Variants in GPHN observed in about 807,000 individuals in gnomAD.
GPHN encodes the protein gephyrin.
Under a neutral mutation model 95.5 loss-of-function variants are expected in GPHN, and 17 were observed. That is an observed-to-expected ratio of 0.18 (90% CI 0.12 to 0.27). GPHN has a LOEUF of 0.27. GPHN is among the 10% of genes least tolerant of loss of function. The pLI is 1.00. For synonymous variants in GPHN, 320 were observed against 322.5 expected (o/e 0.99, Z 0.08); for missense variants, 660 against 978.1 (o/e 0.67, Z 4.34).
At chr14:66,637,569 G>A (rs2064168285) in intron 1 of GPHN, among the ~76,000 whole-genome samples, 1 of 152,034 alleles carries the variant, frequency 6.6e-6, no homozygotes, top group South Asian at 2.1e-4. Context: ...AGTTAAATTT[G>A]TTCCTCTGTC....
the GPHN span, among the ~76,000 whole-genome samples, chr14:67,217,491 ACTTCT>A: frequency 6.6e-6 from 1 of 151,944 alleles, no homozygotes; most frequent in Non-Finnish European, 1.5e-5. Flanking sequence ...TTTGCTCCTT[ACTTCT>A]CTTATTGTTT....
chr14:67,250,828 T>A, the GPHN span, among the ~76,000 whole-genome samples: 2 of 152,236 alleles, frequency 1.3e-5, no homozygotes, highest in African/African-American at 4.8e-5. Flanking sequence ...CTTATCCTTT[T>A]ATACTTAAAA....
the GPHN span, chr14:67,570,188 T>A: frequency 6.8e-6 from 2 of 292,714 alleles, no homozygotes. Flanking sequence ...TTATAAAAAT[T>A]CCACATTTAC....
intron 1 of GPHN, among the ~76,000 whole-genome samples, chr14:66,581,228 TAA>T (rs55870261): frequency 1.0e-4 from 14 of 138,980 alleles, no homozygotes; most frequent in African/African-American, 1.0e-4. Context: ...GGTGAAGATG[TAA>T]AAAAAAAAAA....
the GPHN span, among the ~76,000 whole-genome samples, chr14:67,248,911 T>C: frequency 6.6e-6 from 1 of 152,046 alleles, no homozygotes; most frequent in African/African-American, 2.4e-5. Context: ...CCTCCCAAGT[T>C]GGCCTCCTAA....
the GPHN span, chr14:67,387,028 A>AAT: frequency 4.0e-6 from 1 of 247,058 alleles, no homozygotes; most frequent in African/African-American, 2.3e-5. Flanking sequence ...TGGCCAGTGT[A>AAT]ATTGTTCCAA....
At chr14:67,464,639 G>A in the GPHN span, among the ~76,000 whole-genome samples, 1 of 152,222 alleles carries the variant, frequency 6.6e-6, no homozygotes, top group African/African-American at 2.4e-5. Context: ...CACCTTCACA[G>A]GGGGACTGTC....
At chr14:66,665,483 A>G (rs995083121) in intron 1 of GPHN, among the ~76,000 whole-genome samples, 1 of 152,238 alleles carries the variant, frequency 6.6e-6, no homozygotes, top group Admixed American at 6.5e-5. Context: ...TATGCAGCCA[A>G]CAGACACATG....
At chr14:67,515,304 C>G in the GPHN span, 1 of 153,410 alleles carries the variant, frequency 6.5e-6, no homozygotes, top group Non-Finnish European at 1.4e-5. Flanking sequence ...CGCCGCCTGG[C>G]ACTCCCGCGC....
the GPHN span, among the ~76,000 whole-genome samples, chr14:67,323,294 A>T: frequency 1.3e-5 from 2 of 150,190 alleles, no homozygotes; most frequent in African/African-American, 5.0e-5. Context: ...GTATATTCTT[A>T]CAGTGAATGG....
chr14:67,161,838 T>C (rs949142880), intron 19 of GPHN, among the ~76,000 whole-genome samples: 5 of 152,228 alleles, frequency 3.3e-5, no homozygotes, highest in Non-Finnish European at 7.3e-5. Context: ...GAGTTATTTG[T>C]GTAATATCTA....
intron 8 of GPHN, among the ~76,000 whole-genome samples, chr14:66,955,475 TC>T (rs1258269322): frequency 6.6e-6 from 1 of 152,210 alleles, no homozygotes; most frequent in East Asian, 1.9e-4. Flanking sequence ...GTTCCTACTT[TC>T]ATTCCTGATT....
rs144459810 is a variant in GPHN at position 67,011,450 on chromosome 14, A to G, written c.964-12183A>G. Among the ~76,000 whole-genome samples the G allele has an allele frequency of 3.1e-3, 468 of 151,302 alleles. 1 individual carries two copies. Among genetic ancestry groups the G allele is most frequent in the African/African-American group, 0.011 (454 of 41,268 alleles). On this transcript the variant is annotated intron_variant, in intron 9 of 22. Transcript: ENST00000478722. ...TATCTCGGGGGGATGTCACATGCCT[A>G]TGGTCCCAAGCTACTCAGGAGGCTG...
intron 1 of GPHN, among the ~76,000 whole-genome samples, chr14:66,573,450 CTTT>C (rs369274048): frequency 2.2e-5 from 3 of 137,434 alleles, no homozygotes; most frequent in Non-Finnish European, 4.7e-5. Context: ...ATATAATAAC[CTTT>C]TTTTTTTTTT....
At chr14:67,617,201 G>A in the GPHN span, 1 of 152,228 alleles carries the variant, frequency 6.6e-6, no homozygotes, top group Non-Finnish European at 1.5e-5. Flanking sequence ...TTTAGAGACA[G>A]GGTCTTGCTC....
chr14:67,579,705 T>A, the GPHN span: 1 of 1,610,156 alleles, frequency 6.2e-7, no homozygotes, highest in Non-Finnish European at 8.5e-7. Flanking sequence ...GGGTTGGAAC[T>A]CTTCTCCCGC....
chr14:67,342,223 T>A, the GPHN span, among the ~76,000 whole-genome samples: 6,877 of 93,312 alleles, frequency 0.074, 446 homozygotes, highest in African/African-American at 0.3. Flanking sequence ...TAAAATAAAA[T>A]AAAAAAAAAC....
At chr14:67,067,684 C>T (rs6573750) in intron 11 of GPHN, among the ~76,000 whole-genome samples, 39,273 of 152,042 alleles carry the variant, frequency 0.26, 10,353 homozygotes, top group African/African-American at 0.65. Flanking sequence ...CCCCGCCAGG[C>T]TGCAGCCTGG....
intron 1 of GPHN, among the ~76,000 whole-genome samples, chr14:66,579,538 A>T (rs1370324575): frequency 2.0e-5 from 3 of 151,882 alleles, no homozygotes; most frequent in Non-Finnish European, 3.0e-5. Flanking sequence ...AATGGAAACG[A>T]AAAGAGAGCA....
Sources: gnomAD v4.1 joint callset for allele counts (sites outside exome capture counted in the v4.1 genomes callset) on GRCh38, gnomAD v4.1.1 for gene constraint, MANE v1.5 for transcripts, NCBI Gene and HGNC (gene_info 2026-07-23, HGNC 2026-07-21) for gene names.